Variants in TENM4 observed in about 807,000 individuals in gnomAD.
The protein encoded by TENM4 is teneurin transmembrane protein 4.
In TENM4, 82 loss-of-function variants were observed where a neutral mutation model predicts 243.3. The observed-to-expected ratio is 0.34, with a 90% confidence interval of 0.28 to 0.40. The LOEUF (loss-of-function observed/expected upper bound fraction) is 0.40. Among genes scored for constraint, TENM4 ranks in the 10% least tolerant of loss-of-function variants. The pLI is 1.00. For synonymous variants in TENM4, 1,412 were observed against 1,456.3 expected (o/e 0.97, Z 0.69); for missense variants, 3,138 against 3,673.3 (o/e 0.85, Z 3.77).
At chr11:79,211,316 C>G (rs551197347) in intron 3 of TENM4, among the ~76,000 whole-genome samples, 1 of 152,230 alleles carries the variant, frequency 6.6e-6, no homozygotes, top group African/African-American at 2.4e-5. Context: ...ACTGTTCCCA[C>G]TTCCCGTCTT....
chr11:78,864,992 CCATAGTAATTGTATTTACT>C (rs1478802604), intron 9 of TENM4, among the ~76,000 whole-genome samples: 1 of 151,990 alleles, frequency 6.6e-6, no homozygotes, highest in Non-Finnish European at 1.5e-5. Flanking sequence ...AGATGAAGGC[CCATAGTAATTGTATTTACT>C]GTGTGACAGG....
intron 6 of TENM4, among the ~76,000 whole-genome samples, chr11:78,961,738 C>A (rs192641319): frequency 6.6e-6 from 1 of 151,884 alleles, no homozygotes; most frequent in Non-Finnish European, 1.5e-5. Flanking sequence ...CTGGCACAGT[C>A]CCTGGCACAG....
intron 6 of TENM4, among the ~76,000 whole-genome samples, chr11:79,063,979 GATA>G (rs1449283237): frequency 6.6e-6 from 1 of 152,034 alleles, no homozygotes; most frequent in Non-Finnish European, 1.5e-5. Flanking sequence ...TTAATAGACA[GATA>G]ATAATTGTAT....
intron 28 of TENM4, among the ~76,000 whole-genome samples, chr11:78,692,591 C>G (rs1858853636): frequency 6.6e-6 from 1 of 152,196 alleles, no homozygotes; most frequent in Non-Finnish European, 1.5e-5. Context: ...CATTTGGACC[C>G]TGCTGTATCC....
chr11:79,133,908 T>C (rs1477779663), intron 4 of TENM4, among the ~76,000 whole-genome samples: 1 of 152,048 alleles, frequency 6.6e-6, no homozygotes, highest in Non-Finnish European at 1.5e-5. Flanking sequence ...TAGGGAAAAG[T>C]TGAAAGCATT....
chr11:78,914,907 G>A (rs1168861582), intron 6 of TENM4, among the ~76,000 whole-genome samples: 1 of 152,188 alleles, frequency 6.6e-6, no homozygotes, highest in Admixed American at 6.5e-5. Context: ...CCAGCCTGCC[G>A]GCTCACCCGC....
chr11:79,382,977 C>T (rs1160276818), intron 1 of TENM4, among the ~76,000 whole-genome samples: 1 of 152,146 alleles, frequency 6.6e-6, no homozygotes, highest in Non-Finnish European at 1.5e-5. Flanking sequence ...CTGCCTGTGG[C>T]CTCCTGGGTC....
intron 4 of TENM4, among the ~76,000 whole-genome samples, chr11:79,098,969 A>G (rs1386786128): frequency 6.6e-6 from 1 of 152,242 alleles, no homozygotes; most frequent in Non-Finnish European, 1.5e-5. Flanking sequence ...GTGACTGTCT[A>G]GATTGAATAA....
At chr11:78,977,807 G>T (rs1857698391) in intron 6 of TENM4, among the ~76,000 whole-genome samples, 1 of 152,140 alleles carries the variant, frequency 6.6e-6, no homozygotes, top group African/African-American at 2.4e-5. Context: ...GATTCCTCAA[G>T]GATCTAGAAC....
At chr11:78,928,150 C>T (rs1856590740) in intron 6 of TENM4, among the ~76,000 whole-genome samples, 1 of 152,186 alleles carries the variant, frequency 6.6e-6, no homozygotes, top group African/African-American at 2.4e-5. Context: ...CCTTCCCCGT[C>T]TCCTTACTCT....
At chr11:79,123,202 T>G (rs1338177271) in intron 4 of TENM4, among the ~76,000 whole-genome samples, 1 of 152,192 alleles carries the variant, frequency 6.6e-6, no homozygotes, top group Non-Finnish European at 1.5e-5. Context: ...ACATAGTGCT[T>G]ACTATGGGCC....
intron 6 of TENM4, among the ~76,000 whole-genome samples, chr11:78,957,562 G>GT (rs1857232998): frequency 6.6e-5 from 10 of 152,232 alleles, no homozygotes; most frequent in Admixed American, 6.5e-4. Flanking sequence ...CATTTAGAAA[G>GT]AAAAATAAAC....
chr11:79,248,239 G>A (rs979723873), intron 2 of TENM4, among the ~76,000 whole-genome samples: 10 of 152,198 alleles, frequency 6.6e-5, no homozygotes, highest in African/African-American at 2.4e-4. Flanking sequence ...CACAGGCAAG[G>A]CATGGGATAC....
rs115227080 is a variant in TENM4 at position 79,240,412 on chromosome 11, T to G, written c.-264-24503A>C. 6.4e-3 allele frequency among the ~76,000 whole-genome samples: 978 copies of G among 152,280 alleles called. 15 individuals are homozygous for G. Among genetic ancestry groups the G allele is most frequent in the African/African-American group, 0.023 (937 of 41,550 alleles). ...ATGTGGAAAGGCTACTGGTAGCCAC[T>G]GCCAATAAATCAAATCCATCATAGG... On this transcript the variant is annotated intron_variant, in intron 2 of 33. Transcript: ENST00000278550.
At chr11:78,863,252 T>A in intron 9 of TENM4, 120 bp from the exon 10 acceptor site, 1 of 1,147,914 alleles carries the variant, frequency 8.7e-7, no homozygotes, top group Non-Finnish European at 1.2e-6. Flanking sequence ...GTTCAACAAG[T>A]AGCCCCAAAA....
At chr11:78,875,191 T>C (rs1859237266) in intron 9 of TENM4, among the ~76,000 whole-genome samples, 2 of 152,136 alleles carry the variant, frequency 1.3e-5, no homozygotes, top group East Asian at 3.9e-4. Flanking sequence ...GACGGATGGA[T>C]GTTCATTTTT....
At position 78,653,437 on chromosome 11, in the gene TENM4, AAAAG is replaced by A. The variant is rs1189178276; in HGVS notation, c.*4617_*4620del. 1 of 152,206 alleles carries A rather than the reference AAAAG, an allele frequency of 6.6e-6. No homozygotes were observed. Among genetic ancestry groups the A allele is most frequent in the African/African-American group, 2.4e-5 (1 of 41,462 alleles). The allele number at this position is 152,206 out of a possible 1,614,324, so 9.4% of individuals were successfully genotyped here. ...AGTCAAGATACAGTGTTAGAAACACAAAAGTGTTGAGAAAAAAACTTCTCAAAAT... is the reference window on the plus strand; with the variant it reads ...AGTCAAGATACAGTGTTAGAAACACATGTTGAGAAAAAAACTTCTCAAAAT... On this transcript the variant is annotated 3_prime_UTR_variant, in exon 34 of 34. Coordinates refer to ENST00000278550, the MANE Select transcript of TENM4 (RefSeq NM_001098816.3).
In TENM4 at chr11:79,343,892, G is replaced by T. The variant is rs143598724; in HGVS notation, c.-320-46349C>A. Among the ~76,000 whole-genome samples the T allele has an allele frequency of 5.9e-5, 9 of 152,368 alleles. No individual in the cohort carries two copies. The East Asian group carries it at 1.5e-3, about 26-fold the overall frequency. On this transcript the variant is annotated intron_variant, in intron 1 of 33. Transcript: ENST00000278550. The stretch of plus-strand genomic sequence containing the variant: ...TCTGCAGGAGCCTGGATCTGCAGGG[G>T]CTTGTGTCTGCCACGGTGGACATCC...
chr11:79,042,175 G>A (rs190765546), intron 6 of TENM4, among the ~76,000 whole-genome samples: 13 of 152,124 alleles, frequency 8.5e-5, no homozygotes, highest in Admixed American at 3.9e-4. Flanking sequence ...AAGCTTTCAG[G>A]CCCTAATATC....
Sources: gnomAD v4.1 joint callset for allele counts (sites outside exome capture counted in the v4.1 genomes callset) on GRCh38, gnomAD v4.1.1 for gene constraint, MANE v1.5 for transcripts, NCBI Gene and HGNC (gene_info 2026-07-23, HGNC 2026-07-21) for gene names.